The following CDK14 variants were observed in gnomAD, a reference collection of about 807,000 sequenced individuals.
The protein encoded by CDK14 is cyclin dependent kinase 14.
Under a neutral mutation model 60.7 loss-of-function variants are expected in CDK14, and 34 were observed. That is an observed-to-expected ratio of 0.56 (90% CI 0.43 to 0.75). The LOEUF (loss-of-function observed/expected upper bound fraction) is 0.75, where lower values mean the gene tolerates loss of function less well. CDK14 is among the 30% of genes least tolerant of loss of function. The pLI is 0.00. For synonymous variants in CDK14, 197 were observed against 203.7 expected (o/e 0.97, Z 0.28); for missense variants, 482 against 564.1 (o/e 0.85, Z 1.47).
chr7:90,957,248 C>G (rs1023039112), intron 9 of CDK14, among the ~76,000 whole-genome samples: 2 of 151,952 alleles, frequency 1.3e-5, no homozygotes, highest in African/African-American at 4.8e-5. Flanking sequence ...AAAAGTGTTC[C>G]TATTTCTCCA....
At chr7:90,985,588 T>C (rs1277999606) in intron 10 of CDK14, among the ~76,000 whole-genome samples, 1 of 152,168 alleles carries the variant, frequency 6.6e-6, no homozygotes, top group African/African-American at 2.4e-5. Context: ...AGCTATCATA[T>C]TAAGAATACA....
chr7:91,112,483 G>T (rs1418283210), intron 12 of CDK14, 59 bp from the exon 13 acceptor site: 7 of 1,553,952 alleles, frequency 4.5e-6, no homozygotes, highest in Admixed American at 3.7e-5. Flanking sequence ...TAAGCTTTAT[G>T]TCTTATTTAG....
At chr7:90,643,608 T>G (rs142932564) in intron 2 of CDK14, among the ~76,000 whole-genome samples, 1 of 152,282 alleles carries the variant, frequency 6.6e-6, no homozygotes, top group African/African-American at 2.4e-5. Flanking sequence ...GGCCCTTATT[T>G]CTCATGCCCA....
intron 14 of CDK14, among the ~76,000 whole-genome samples, chr7:91,137,983 G>A (rs1475165746): frequency 6.6e-6 from 1 of 152,124 alleles, no homozygotes; most frequent in Non-Finnish European, 1.5e-5. Flanking sequence ...CATGAACATG[G>A]CAAGCTTAAA....
chr7:90,639,952 C>T (rs927362589), intron 2 of CDK14, among the ~76,000 whole-genome samples: 7 of 152,092 alleles, frequency 4.6e-5, no homozygotes, highest in Non-Finnish European at 7.4e-5. Flanking sequence ...CCTGATGCGC[C>T]GGTTTTTAAG....
intron 4 of CDK14, among the ~76,000 whole-genome samples, chr7:90,777,819 A>C (rs927154997): frequency 3.3e-5 from 5 of 151,752 alleles, no homozygotes; most frequent in African/African-American, 1.2e-4. Context: ...AAGTAAAAAA[A>C]CTCCCTGATC....
At chr7:90,714,182 A>G (rs777443689) in intron 2 of CDK14, among the ~76,000 whole-genome samples, 2 of 152,094 alleles carry the variant, frequency 1.3e-5, no homozygotes, top group Non-Finnish European at 1.5e-5. Flanking sequence ...CCTGTTTATC[A>G]TCTGGCAGAC....
chr7:90,976,322 T>G (rs1421855100), intron 9 of CDK14, among the ~76,000 whole-genome samples: 1 of 152,190 alleles, frequency 6.6e-6, no homozygotes, highest in African/African-American at 2.4e-5. Context: ...GTGTCTTCTT[T>G]TGGAAAATGT....
At chr7:90,801,892 C>A (rs1447575187) in intron 5 of CDK14, among the ~76,000 whole-genome samples, 1 of 152,154 alleles carries the variant, frequency 6.6e-6, no homozygotes, top group South Asian at 2.1e-4. Context: ...CTTCTTACCC[C>A]TATCACCTTC....
intron 6 of CDK14, among the ~76,000 whole-genome samples, chr7:90,884,254 A>G (rs1187528679): frequency 6.6e-6 from 1 of 152,206 alleles, no homozygotes; most frequent in Non-Finnish European, 1.5e-5. Context: ...TACAAAATCA[A>G]TGTCCAAAAA....
intron 4 of CDK14, among the ~76,000 whole-genome samples, chr7:90,789,331 A>C (rs567621462): frequency 1.1e-3 from 166 of 152,212 alleles, no homozygotes; most frequent in African/African-American, 3.7e-3. Context: ...ATTGTATACC[A>C]CTATTTGTGT....
intron 2 of CDK14, among the ~76,000 whole-genome samples, chr7:90,611,831 GTTT>G (rs752667605): frequency 7.8e-6 from 1 of 128,278 alleles, no homozygotes; most frequent in East Asian, 2.2e-4. Context: ...ATCTTTGTGT[GTTT>G]TTTTTTTTTT....
At chr7:90,640,107 G>A (rs571126354) in intron 2 of CDK14, among the ~76,000 whole-genome samples, 278 of 152,202 alleles carry the variant, frequency 1.8e-3, no homozygotes, top group African/African-American at 1.5e-3. Context: ...TTCAGCTGGC[G>A]CACGGTGCGC....
At chr7:90,635,897 T>C (rs1800133791) in intron 2 of CDK14, among the ~76,000 whole-genome samples, 1 of 151,998 alleles carries the variant, frequency 6.6e-6, no homozygotes, top group African/African-American at 2.4e-5. Context: ...TTTGAAGCAA[T>C]TGTGAATGGG....
At chr7:91,144,615 A>G in intron 14 of CDK14, among the ~76,000 whole-genome samples, 1 of 152,186 alleles carries the variant, frequency 6.6e-6, no homozygotes, top group Non-Finnish European at 1.5e-5. Context: ...TTGAGGATGC[A>G]GTGTTTGGAC....
intron 4 of CDK14, among the ~76,000 whole-genome samples, chr7:90,782,694 G>T (rs1241756585): frequency 2.0e-5 from 3 of 152,076 alleles, no homozygotes; most frequent in Non-Finnish European, 1.5e-5. Context: ...TTGAATAAGG[G>T]GTGGGATATT....
At chr7:91,120,831 C>T (rs1799762551) in intron 14 of CDK14, among the ~76,000 whole-genome samples, 1 of 152,136 alleles carries the variant, frequency 6.6e-6, no homozygotes. Context: ...GTCACCGCGC[C>T]TGGCCCAATA....
At position 91,180,565 on chromosome 7, in the gene CDK14, T is replaced by G. The variant is rs865841934; in HGVS notation, c.*29-26600T>G. Among the ~76,000 whole-genome samples the G allele has an allele frequency of 2.6e-5, 4 of 152,168 alleles. No individual in the cohort carries two copies. In the South Asian group the frequency reaches 6.2e-4, roughly 24 times the overall value. On this transcript the variant is annotated intron_variant, in intron 14 of 14. Transcript: ENST00000380050. ...GTAGGATTACGGGCGAGCAGAATTGTTTTTTTGCTCATTTGTGACTTCTAC... is the reference window on the plus strand; with the variant it reads ...GTAGGATTACGGGCGAGCAGAATTGGTTTTTTGCTCATTTGTGACTTCTAC...
intron 13 of CDK14, among the ~76,000 whole-genome samples, chr7:91,117,325 C>T (rs935760842): frequency 2.6e-5 from 4 of 151,882 alleles, no homozygotes; most frequent in East Asian, 3.9e-4. Flanking sequence ...ACTGCTATCA[C>T]GCTGCCCTCA....
Sources: gnomAD v4.1 joint callset for allele counts (sites outside exome capture counted in the v4.1 genomes callset) on GRCh38, gnomAD v4.1.1 for gene constraint, MANE v1.5 for transcripts, NCBI Gene and HGNC (gene_info 2026-07-23, HGNC 2026-07-21) for gene names.